Variants in SNX24 observed in about 807,000 individuals in gnomAD.
The protein encoded by SNX24 is sorting nexin 24.
A neutral mutation model predicts 28.7 loss-of-function variants in SNX24; 22 were observed. That is an observed-to-expected ratio of 0.77 (90% CI 0.55 to 1.10). The LOEUF (loss-of-function observed/expected upper bound fraction) is 1.10. SNX24 is among the 50% of genes least tolerant of loss of function. The probability of loss-of-function intolerance (pLI) is 0.00; values close to 1 mark genes in which losing one functional copy is unlikely to be tolerated. For missense variants in SNX24, 221 were observed against 201.1 expected, an observed-to-expected ratio of 1.10 and a Z score of -0.60; for synonymous variants, 69 against 71.5, an observed-to-expected ratio of 0.96 and a Z score of 0.18.
chr5:122,911,901 C>A (rs1207801983), intron 1 of SNX24, among the ~76,000 whole-genome samples: 110 of 147,430 alleles, frequency 7.5e-4, no homozygotes, highest in African/African-American at 2.7e-3. Flanking sequence ...AGTCAGGTAG[C>A]GTGATGCTTC....
intron 1 of SNX24, among the ~76,000 whole-genome samples, chr5:122,906,754 C>G (rs185854056): frequency 6.6e-6 from 1 of 152,296 alleles, no homozygotes; most frequent in South Asian, 2.1e-4. Flanking sequence ...GTGATCCGCC[C>G]GCCTCGGACT....
intron 3 of SNX24, among the ~76,000 whole-genome samples, chr5:122,949,257 A>G (rs1431643404): frequency 6.6e-6 from 1 of 152,218 alleles, no homozygotes; most frequent in East Asian, 1.9e-4. Context: ...GCCTACAGTT[A>G]GCATTTATTT....
chr5:122,953,841 A>G (rs1760076387), intron 3 of SNX24, among the ~76,000 whole-genome samples: 1 of 152,224 alleles, frequency 6.6e-6, no homozygotes, highest in Non-Finnish European at 1.5e-5. Flanking sequence ...CTAAAGAGAA[A>G]TAGCTCACAG....
intron 1 of SNX24, among the ~76,000 whole-genome samples, chr5:122,854,941 T>C (rs751543249): frequency 6.6e-5 from 10 of 152,264 alleles, no homozygotes; most frequent in Admixed American, 2.0e-4. Flanking sequence ...AAAAGTATTT[T>C]ATTGCTAAAA....
chr5:122,914,806 G>C (rs922465553), intron 1 of SNX24, among the ~76,000 whole-genome samples: 1 of 151,896 alleles, frequency 6.6e-6, no homozygotes, highest in African/African-American at 2.4e-5. Flanking sequence ...TATTAGTCTT[G>C]CTAGCGGTCT....
chr5:123,001,218 T>C (rs1192612377), intron 4 of SNX24, among the ~76,000 whole-genome samples, 187 bp from the exon 5 acceptor site: 4 of 152,220 alleles, frequency 2.6e-5, no homozygotes, highest in African/African-American at 9.6e-5. Flanking sequence ...TCAAAGAATA[T>C]TCCAGTCTTC....
chr5:122,927,450 C>A (rs1581758633), intron 1 of SNX24, among the ~76,000 whole-genome samples: 1 of 152,092 alleles, frequency 6.6e-6, no homozygotes, highest in South Asian at 2.1e-4. Context: ...TTTAAACCAT[C>A]TGAAAAGGGG....
intron 1 of SNX24, among the ~76,000 whole-genome samples, chr5:122,854,235 G>A (rs749755659): frequency 6.6e-5 from 10 of 152,126 alleles, no homozygotes; most frequent in Non-Finnish European, 1.2e-4. Flanking sequence ...TAGGCCGGGT[G>A]CAGTAGCTCA....
chr5:122,889,324 A>G (rs564679536), intron 1 of SNX24, among the ~76,000 whole-genome samples: 3 of 152,042 alleles, frequency 2.0e-5, no homozygotes, highest in Admixed American at 1.3e-4. Flanking sequence ...ATCTATATCT[A>G]TATACACTCA....
chr5:123,009,439 A>C (rs967821485), downstream of SNX24, among the ~76,000 whole-genome samples: 2 of 152,350 alleles, frequency 1.3e-5, no homozygotes, highest in South Asian at 2.1e-4. Context: ...TGAAAAAACC[A>C]AGTATCTATA....
chr5:122,970,450 C>T (rs1048832851), intron 3 of SNX24, among the ~76,000 whole-genome samples: 1 of 152,006 alleles, frequency 6.6e-6, no homozygotes. Flanking sequence ...GCCAGGTATT[C>T]GGAATTCCAG....
intron 3 of SNX24, among the ~76,000 whole-genome samples, chr5:122,985,737 G>T (rs1218914629): frequency 6.6e-6 from 1 of 152,232 alleles, no homozygotes; most frequent in Non-Finnish European, 1.5e-5. Context: ...CCAAAGCAGA[G>T]CATTCCATGA....
chr5:122,957,810 A>G (rs971889783), intron 3 of SNX24, among the ~76,000 whole-genome samples: 7 of 152,106 alleles, frequency 4.6e-5, no homozygotes, highest in African/African-American at 1.7e-4. Flanking sequence ...TAGTTTCTTA[A>G]TTTCCTTTTT....
downstream of SNX24, among the ~76,000 whole-genome samples, chr5:123,010,108 G>A (rs56308113): frequency 2.0e-5 from 3 of 152,254 alleles, no homozygotes; most frequent in South Asian, 2.1e-4. Flanking sequence ...GGCCTTGCTT[G>A]CCAGCAACCA....
chr5:122,894,711 G>C (rs984594030), intron 1 of SNX24, among the ~76,000 whole-genome samples: 29 of 152,330 alleles, frequency 1.9e-4, no homozygotes, highest in African/African-American at 6.5e-4. Context: ...AGTGCTTACT[G>C]CTTCTGGTAA....
At chr5:122,897,334 G>A (rs766172855) in intron 1 of SNX24, among the ~76,000 whole-genome samples, 5 of 151,758 alleles carry the variant, frequency 3.3e-5, no homozygotes, top group Non-Finnish European at 7.4e-5. Context: ...TTTTTCTTAG[G>A]CTATCATAAG....
At chr5:122,955,835 G>C (rs956443756) in intron 3 of SNX24, among the ~76,000 whole-genome samples, 2 of 152,188 alleles carry the variant, frequency 1.3e-5, no homozygotes, top group South Asian at 4.1e-4. Context: ...CCCTTACGAG[G>C]CTGTCTCTGT....
At chr5:122,962,086 A>C (rs553258024) in intron 3 of SNX24, among the ~76,000 whole-genome samples, 27 of 152,290 alleles carry the variant, frequency 1.8e-4, no homozygotes, top group Non-Finnish European at 3.4e-4. Context: ...AACGTATGGC[A>C]TTTCCTTTCA....
chr5:122,943,179 C>T (rs141728990), intron 2 of SNX24, among the ~76,000 whole-genome samples: 1 of 152,234 alleles, frequency 6.6e-6, no homozygotes, highest in East Asian at 1.9e-4. Context: ...CCCTCCTTCT[C>T]TCTCCCTTGC....
Sources: gnomAD v4.1 joint callset for allele counts (sites outside exome capture counted in the v4.1 genomes callset) on GRCh38, gnomAD v4.1.1 for gene constraint, MANE v1.5 for transcripts, NCBI Gene and HGNC (gene_info 2026-07-23, HGNC 2026-07-21) for gene names.